COL3A1: variants seen among roughly 807,000 people sequenced by gnomAD.
COL3A1 encodes collagen alpha-1(III) chain.
COL3A1 carries 46 observed loss-of-function variants against 200.9 expected under a neutral mutation model. The observed-to-expected ratio is 0.23, with a 90% CI of 0.18 to 0.29. The LOEUF is 0.29. Ranked by LOEUF, COL3A1 falls within the 10% of genes least tolerant of loss-of-function variation. The probability of loss-of-function intolerance (pLI) is 1.00; values close to 1 mark genes in which losing one functional copy is unlikely to be tolerated. For missense variants in COL3A1, 1,367 were observed against 1,917.6 expected, an observed-to-expected ratio of 0.71 and a Z score of 5.36; for synonymous variants, 650 against 628.0, an observed-to-expected ratio of 1.03 and a Z score of -0.52.
chr2:188,978,616 AGATGTTATT>A (rs1687878417), intron 1 of COL3A1, among the ~76,000 whole-genome samples: 1 of 151,980 alleles, frequency 6.6e-6, no homozygotes, highest in Admixed American at 6.6e-5. Context: ...TAAAGATGAA[AGATGTTATT>A]GCTTTTGCTG....
intron 1 of COL3A1, 102 bp downstream of exon 1, chr2:188,974,670 A>G: frequency 1.1e-6 from 1 of 889,066 alleles, no homozygotes; most frequent in South Asian, 1.3e-5. Context: ...ATTCAAGATA[A>G]TTTCCTCTAT....
At chr2:188,991,648 T>A (rs770379336) in intron 12 of COL3A1, 21 bp from the exon 13 acceptor site, 2 of 1,613,536 alleles carry the variant, frequency 1.2e-6, no homozygotes, top group East Asian at 4.5e-5. Context: ...AGTAAAACCA[T>A]ATTTCAATTT....
intron 1 of COL3A1, among the ~76,000 whole-genome samples, chr2:188,977,208 T>C (rs1174203082): frequency 6.6e-6 from 1 of 152,098 alleles, no homozygotes; most frequent in African/African-American, 2.4e-5. Context: ...AATTGTTAGA[T>C]AGATTATAGA....
chr2:188,986,756 T>C (rs1271448056), intron 4 of COL3A1, among the ~76,000 whole-genome samples: 1 of 152,078 alleles, frequency 6.6e-6, no homozygotes, highest in Non-Finnish European at 1.5e-5. Context: ...TTTGTAATGA[T>C]GTAGCTACTG....
intron 48 of COL3A1, 93 bp downstream of exon 48, chr2:189,009,314 G>A (rs1385204854): frequency 3.4e-6 from 5 of 1,466,724 alleles, no homozygotes; most frequent in Non-Finnish European, 4.7e-6. Context: ...TACTTTCAAT[G>A]GAAAGCTGAA....
At position 188,995,784 on chromosome 2, in the gene COL3A1, A is replaced by G; in HGVS notation, c.1602A>G (p.Gly534=). The G allele has an allele frequency of 6.4e-7, 1 of 1,559,096 alleles. No homozygotes were observed. The highest frequency in any genetic ancestry group is 8.7e-7 in the Non-Finnish European group (1 of 1,150,746). The change falls in exon 22 of 51, where the codon GGA becomes GGG. Residue 534 remains glycine (G), a synonymous_variant. Coordinates refer to ENST00000304636, the MANE Select transcript of COL3A1 (RefSeq NM_000090.4). ...PGRDGVPGGP[G]MRGMPGSPGG... The stretch of plus-strand genomic sequence containing the variant: ...GAGATGGCGTCCCTGGAGGTCCAGG[A>G]ATGAGGGTACAGAGAAACATTTGTT...
intron 3 of COL3A1, 129 bp from the exon 4 acceptor site, chr2:188,985,536 A>T: frequency 1.5e-6 from 1 of 683,648 alleles, no homozygotes; most frequent in Non-Finnish European, 2.5e-6. Flanking sequence ...ATTAAAAAGT[A>T]TGTGTTATAA....
intron 40 of COL3A1, 82 bp downstream of exon 40, chr2:189,004,446 T>C (rs908516514): frequency 1.5e-6 from 2 of 1,322,556 alleles, no homozygotes; most frequent in Non-Finnish European, 2.1e-6. Flanking sequence ...GGATGAAAAG[T>C]TTTTCTGTCA....
intron 47 of COL3A1, 116 bp downstream of exon 47, chr2:189,008,258 A>G: frequency 1.2e-6 from 1 of 862,018 alleles, no homozygotes. Context: ...CACTCAATTT[A>G]GAAACTGAAC....
At chr2:189,005,287 A>G (rs1463461505) in intron 40 of COL3A1, 63 bp from the exon 41 acceptor site, 2 of 1,377,144 alleles carry the variant, frequency 1.5e-6, no homozygotes, top group African/African-American at 2.8e-5. Context: ...AAGATATCTG[A>G]TAACACCATT....
intron 21 of COL3A1, 133 bp downstream of exon 21, chr2:188,995,232 A>G: frequency 2.4e-6 from 2 of 850,788 alleles, no homozygotes; most frequent in Non-Finnish European, 1.9e-6. Flanking sequence ...TCCTAATATA[A>G]TGCATCCTCT....
At chr2:188,986,625 A>G (rs1576461551) in intron 4 of COL3A1, among the ~76,000 whole-genome samples, 1 of 152,126 alleles carries the variant, frequency 6.6e-6, no homozygotes, top group East Asian at 1.9e-4. Context: ...AGGGGATATG[A>G]ATTTTACTTG....
At position 188,974,384 on chromosome 2, in the gene COL3A1, A is replaced by G. The variant is rs112247216; in HGVS notation, c.-106A>G. The G allele has an allele frequency of 8.6e-6, 7 of 810,196 alleles. No individual in the cohort carries two copies. In the African/African-American group the frequency reaches 1.0e-4, roughly 12 times the overall value. 50.2% of individuals were successfully genotyped at this position (810,196 alleles called of 1,614,324 possible). A position where few individuals can be genotyped will look rare whatever the true frequency, so the allele number is the denominator to read the frequency against. ...AAAGGAATCTCAGTGGCTGAGTTTT[A>G]TGACGGGCCCGGTGCTGAAGGGCAG... On this transcript the variant is annotated 5_prime_UTR_variant, in exon 1 of 51. The change abolishes an upstream ATG in the 5' untranslated region. Coordinates refer to ENST00000304636, the MANE Select transcript of COL3A1 (RefSeq NM_000090.4).
At chr2:188,979,159 TAAGA>T (rs1467348017) in intron 1 of COL3A1, among the ~76,000 whole-genome samples, 3 of 152,088 alleles carry the variant, frequency 2.0e-5, no homozygotes, top group Middle Eastern at 3.4e-3. Context: ...ATTCTAGTAT[TAAGA>T]AAGTACTGCT....
chr2:188,985,162 T>A, intron 2 of COL3A1, 35 bp from the exon 3 acceptor site: 1 of 1,598,638 alleles, frequency 6.3e-7, no homozygotes, highest in Non-Finnish European at 8.6e-7. Context: ...GCAAATTCTG[T>A]GTCTTGTTTA....
At position 188,974,448 on chromosome 2, in the gene COL3A1, T is replaced by G; in HGVS notation, c.-42T>G. Reference sequence around the variant, plus strand: ...GGTGCTACTTTGAACTGCTTTTCTTTTCTCCTTTTTGCACAAAGAGTCTCA... The same window carrying G: ...GGTGCTACTTTGAACTGCTTTTCTTGTCTCCTTTTTGCACAAAGAGTCTCA... On this transcript the variant is annotated 5_prime_UTR_variant, in exon 1 of 51. Transcript: ENST00000304636. 1 of 1,524,324 alleles carries G rather than the reference T, an allele frequency of 6.6e-7. No homozygotes were observed. Among genetic ancestry groups the G allele is most frequent in the Non-Finnish European group, 9.1e-7 (1 of 1,099,542 alleles). 94.4% of individuals were successfully genotyped at this position (1,524,324 alleles called of 1,614,324 possible).
intron 5 of COL3A1, among the ~76,000 whole-genome samples, chr2:188,987,533 T>C (rs1358779156): frequency 1.3e-5 from 2 of 152,150 alleles, no homozygotes; most frequent in Non-Finnish European, 2.9e-5. Context: ...AATCTGTATT[T>C]CTGAACAATG....
intron 11 of COL3A1, 81 bp from the exon 12 acceptor site, chr2:188,991,406 T>C: frequency 1.1e-6 from 1 of 917,880 alleles, no homozygotes; most frequent in Non-Finnish European, 1.6e-6. Flanking sequence ...CTATAAACTT[T>C]TCCATAATAT....
chr2:188,985,352 C>A, intron 3 of COL3A1, 105 bp downstream of exon 3: 1 of 899,146 alleles, frequency 1.1e-6, no homozygotes, highest in East Asian at 2.5e-5. Context: ...TCTTCATTAC[C>A]ACATATTTGA....
Sources: allele counts gnomAD v4.1 joint callset (sites outside exome capture counted in the v4.1 genomes callset), GRCh38; gene constraint gnomAD v4.1.1; transcripts MANE v1.5; gene names NCBI Gene and HGNC (gene_info 2026-07-23, HGNC 2026-07-21).